Variants in KCNK13 observed in about 807,000 individuals in gnomAD.
KCNK13 encodes the protein potassium two pore domain channel subfamily K member 13.
In KCNK13, 12 loss-of-function variants were observed where a neutral mutation model predicts 23.4. The observed-to-expected ratio is 0.51, with a 90% CI of 0.33 to 0.83. The LOEUF is 0.83. Among genes scored for constraint, KCNK13 ranks in the 40% least tolerant of loss-of-function variants. The pLI, the probability that KCNK13 is intolerant of heterozygous loss-of-function variation, is 0.02. For synonymous variants in KCNK13, 231 were observed against 229.5 expected, an observed-to-expected ratio of 1.01 and a Z score of -0.06; for missense variants, 463 against 556.3, an observed-to-expected ratio of 0.83 and a Z score of 1.69.
intron 1 of KCNK13, chr14:90,108,132 A>C: frequency 2.6e-6 from 1 of 379,856 alleles, no homozygotes; most frequent in South Asian, 3.0e-5. Flanking sequence ...TTAAAAGTGG[A>C]TCAACTTGCT....
chr14:90,168,514 C>A (rs1170141839), intron 1 of KCNK13, among the ~76,000 whole-genome samples: 1 of 152,160 alleles, frequency 6.6e-6, no homozygotes, highest in East Asian at 1.9e-4. Flanking sequence ...CACAAACCAA[C>A]ACTGTCTACC....
At chr14:90,098,602 G>A (rs1026793883) in intron 1 of KCNK13, among the ~76,000 whole-genome samples, 21 of 150,858 alleles carry the variant, frequency 1.4e-4, no homozygotes, top group Non-Finnish European at 2.4e-4. Flanking sequence ...GCAGTGAGGC[G>A]AGATCATGCC....
chr14:90,183,134 T>C (rs4904641), intron 1 of KCNK13, among the ~76,000 whole-genome samples: 99,463 of 152,086 alleles, frequency 0.65, 34,607 homozygotes, highest in East Asian at 0.97. Context: ...GCATTCTTAA[T>C]GGTATGCCTG....
chr14:90,119,759 C>T (rs1321165085), intron 1 of KCNK13, among the ~76,000 whole-genome samples: 1 of 152,158 alleles, frequency 6.6e-6, no homozygotes, highest in East Asian at 1.9e-4. Flanking sequence ...AACACCACGC[C>T]TGGCTAATAC....
chr14:90,151,007 C>A (rs1297011020), intron 1 of KCNK13, among the ~76,000 whole-genome samples: 1 of 152,006 alleles, frequency 6.6e-6, no homozygotes, highest in African/African-American at 2.4e-5. Flanking sequence ...TGTGGCACCT[C>A]CTCCCTTCTT....
At chr14:90,115,588 G>C (rs371052134) in intron 1 of KCNK13, among the ~76,000 whole-genome samples, 1 of 152,198 alleles carries the variant, frequency 6.6e-6, no homozygotes, top group South Asian at 2.1e-4. Context: ...CAGGCTTGCC[G>C]ACTATATGGT....
intron 1 of KCNK13, among the ~76,000 whole-genome samples, chr14:90,153,917 C>G (rs566086762): frequency 6.6e-6 from 1 of 152,324 alleles, no homozygotes; most frequent in Non-Finnish European, 1.5e-5. Flanking sequence ...AGCAGGCCAC[C>G]TAGCCTCTGT....
intron 1 of KCNK13, among the ~76,000 whole-genome samples, chr14:90,093,391 G>A (rs1477342755): frequency 6.6e-6 from 1 of 152,210 alleles, no homozygotes; most frequent in East Asian, 1.9e-4. Flanking sequence ...ATCAGTTGGA[G>A]ATGGAGTCAG....
intron 1 of KCNK13, among the ~76,000 whole-genome samples, chr14:90,068,706 T>C (rs1209707501): frequency 6.6e-6 from 1 of 152,182 alleles, no homozygotes; most frequent in Non-Finnish European, 1.5e-5. Flanking sequence ...CTGGGCACAT[T>C]CAAGTTTGAG....
rs564625925 is a variant in KCNK13, at chr14:90,115,237, C to T, written c.334+52698C>T. 6.5e-4 allele frequency among the ~76,000 whole-genome samples: 99 copies of T among 152,202 alleles called. 1 individual carries two copies. In the South Asian group the frequency reaches 0.02, roughly 31 times the overall value. ...GCAGTAGTTGGACCCTACCCCAGAG[C>T]GACTGAGTGTGAATCTCTGAAGGGT... On this transcript the variant is annotated intron_variant, in intron 1 of 1. Transcript: ENST00000282146.
At chr14:90,067,404 A>C (rs1246819970) in intron 1 of KCNK13, among the ~76,000 whole-genome samples, 1 of 152,230 alleles carries the variant, frequency 6.6e-6, no homozygotes, top group Non-Finnish European at 1.5e-5. Flanking sequence ...GGTACTTAGA[A>C]TAGGCAAATT....
intron 1 of KCNK13, among the ~76,000 whole-genome samples, chr14:90,164,606 G>T (rs1182182263): frequency 6.6e-6 from 1 of 152,210 alleles, no homozygotes; most frequent in Non-Finnish European, 1.5e-5. Context: ...GAGTTTGTAG[G>T]TTAATGCAGT....
intron 1 of KCNK13, among the ~76,000 whole-genome samples, chr14:90,139,556 T>C (rs920211276): frequency 1.3e-5 from 2 of 151,954 alleles, no homozygotes; most frequent in African/African-American, 4.8e-5. Flanking sequence ...AGCAAGGGAG[T>C]GATGAGATCC....
At chr14:90,145,322 A>G (rs1029422150) in intron 1 of KCNK13, among the ~76,000 whole-genome samples, 3 of 151,754 alleles carry the variant, frequency 2.0e-5, no homozygotes, top group Non-Finnish European at 4.4e-5. Context: ...GAGCCCAGGA[A>G]ATTGAGGCTG....
chr14:90,150,339 G>A (rs1348167658), intron 1 of KCNK13, among the ~76,000 whole-genome samples: 1 of 151,778 alleles, frequency 6.6e-6, no homozygotes, highest in Non-Finnish European at 1.5e-5. Flanking sequence ...TCTGGGCCAG[G>A]TGTACTGGCT....
At chr14:90,106,222 A>G (rs1889541909) in intron 1 of KCNK13, among the ~76,000 whole-genome samples, 1 of 152,172 alleles carries the variant, frequency 6.6e-6, no homozygotes, top group Non-Finnish European at 1.5e-5. Flanking sequence ...TTCTGAAGAG[A>G]TCTCATTTTG....
At position 90,168,818 on chromosome 14, in the gene KCNK13, T is replaced by C. The variant is rs933081961; in HGVS notation, c.335-15293T>C. 6.6e-5 allele frequency among the ~76,000 whole-genome samples: 10 copies of C among 152,330 alleles called. 1 individual carries two copies. The Middle Eastern group carries it at 0.01, about 155-fold the overall frequency. ...ACCCAAATCTCACCTTGAATTGTAA[T>C]AATCCCCACGTGTTAAGGGTGGGGC... On this transcript the variant is annotated intron_variant, in intron 1 of 1. Coordinates refer to ENST00000282146, the MANE Select transcript of KCNK13 (RefSeq NM_022054.4).
At chr14:90,075,170 G>T (rs1660504868) in intron 1 of KCNK13, among the ~76,000 whole-genome samples, 1 of 151,916 alleles carries the variant, frequency 6.6e-6, no homozygotes, top group African/African-American at 2.4e-5. Flanking sequence ...TGATGGCTTA[G>T]ATGTTCTTTT....
intron 1 of KCNK13, among the ~76,000 whole-genome samples, chr14:90,101,281 G>A (rs1889473679): frequency 6.6e-6 from 1 of 152,170 alleles, no homozygotes; most frequent in African/African-American, 2.4e-5. Context: ...CAAATGGGCA[G>A]GAGATTTGAT....
Sources: gnomAD v4.1 joint callset for allele counts (sites outside exome capture counted in the v4.1 genomes callset) on GRCh38, gnomAD v4.1.1 for gene constraint, MANE v1.5 for transcripts, NCBI Gene and HGNC (gene_info 2026-07-23, HGNC 2026-07-21) for gene names.